RGS5: variants seen among roughly 807,000 people sequenced by gnomAD.
RGS5 encodes regulator of G protein signaling 5, also known as regulator of G-protein signalling 5.
In RGS5, 20 loss-of-function variants were observed where a neutral mutation model predicts 18.9. The ratio of observed to expected loss-of-function variants is 1.06; its 90% CI spans 0.74 to 1.54. The LOEUF is 1.54. Ranked by LOEUF, RGS5 falls within the 40% of genes most tolerant of loss-of-function variation. RGS5 has a pLI of 0.00. For missense variants in RGS5, 201 were observed against 211.8 expected, an observed-to-expected ratio of 0.95 and a Z score of 0.32; for synonymous variants, 57 against 76.2, an observed-to-expected ratio of 0.75 and a Z score of 1.31.
chr1:163,256,788 T>G (rs1164694061), intron 2 of RGS5, among the ~76,000 whole-genome samples: 1 of 151,964 alleles, frequency 6.6e-6, no homozygotes, highest in Non-Finnish European at 1.5e-5. Context: ...GGCAGAAAGG[T>G]AAGTGCAAGA....
intron 2 of RGS5, among the ~76,000 whole-genome samples, chr1:163,167,198 G>A (rs745738869): frequency 6.6e-6 from 1 of 152,144 alleles, no homozygotes; most frequent in Non-Finnish European, 1.5e-5. Context: ...AGGACAGGCT[G>A]GCCAATTTAC....
At chr1:163,154,818 G>C (rs1411385791) in intron 3 of RGS5, among the ~76,000 whole-genome samples, 2 of 149,102 alleles carry the variant, frequency 1.3e-5, no homozygotes, top group African/African-American at 4.9e-5. Context: ...AACCAATTTA[G>C]TTTATAATTT....
intron 2 of RGS5, among the ~76,000 whole-genome samples, chr1:163,236,177 G>T (rs2999962): frequency 0.76 from 116,051 of 151,966 alleles, 45,614 homozygotes; most frequent in African/African-American, 0.94. Flanking sequence ...TGCCTCTTTC[G>T]TCTCATATGT....
chr1:163,243,039 ATT>A (rs1448579376), intron 2 of RGS5, among the ~76,000 whole-genome samples: 3 of 152,164 alleles, frequency 2.0e-5, no homozygotes, highest in Non-Finnish European at 4.4e-5. Flanking sequence ...AGAAGGAGGC[ATT>A]TACTGCCCAT....
chr1:163,318,183 T>A (rs920113356), intron 1 of RGS5, among the ~76,000 whole-genome samples: 11 of 152,124 alleles, frequency 7.2e-5, no homozygotes, highest in African/African-American at 2.7e-4. Flanking sequence ...AGCAGCCTCA[T>A]GAATGCGAAG....
intron 2 of RGS5, among the ~76,000 whole-genome samples, chr1:163,167,933 G>A (rs964982149): frequency 2.0e-5 from 3 of 152,160 alleles, no homozygotes; most frequent in African/African-American, 7.2e-5. Context: ...TAAATGAGCA[G>A]GTATTTTTAC....
At chr1:163,269,318 T>C (rs1648651706) in intron 2 of RGS5, among the ~76,000 whole-genome samples, 1 of 152,140 alleles carries the variant, frequency 6.6e-6, no homozygotes, top group African/African-American at 2.4e-5. Context: ...GTGTAAGGCA[T>C]GGTGCTAAGC....
In RGS5 at chr1:163,194,721, T is replaced by A. The variant is rs762566878; in HGVS notation, c.44+8071A>T. ...CTGAGAGAGATATAAGATTAAGAAA[T>A]CTCAATGTGTGAACATTTTTGGATC... On this transcript the variant is annotated intron_variant, in intron 1 of 4. Coordinates refer to ENST00000313961, the MANE Select transcript of RGS5 (RefSeq NM_003617.4). Among the ~76,000 whole-genome samples, 3 of 152,198 alleles carry A rather than the reference T, an allele frequency of 2.0e-5. No individual in the cohort carries two copies. The East Asian group carries it at 5.8e-4, about 29-fold the overall frequency.
chr1:163,249,880 G>A (rs1439681306), intron 2 of RGS5, among the ~76,000 whole-genome samples: 2 of 152,208 alleles, frequency 1.3e-5, no homozygotes, highest in Non-Finnish European at 2.9e-5. Flanking sequence ...GGTGATAGAT[G>A]AGTTCACATC....
chr1:163,160,426 A>G (rs1158829771), intron 3 of RGS5, among the ~76,000 whole-genome samples: 1 of 152,204 alleles, frequency 6.6e-6, no homozygotes, highest in Admixed American at 6.5e-5. Flanking sequence ...TTCTAGGTCC[A>G]AGAAGCAAAA....
At chr1:163,230,458 A>G (rs1647449793) in intron 2 of RGS5, among the ~76,000 whole-genome samples, 1 of 142,830 alleles carries the variant, frequency 7.0e-6, no homozygotes, top group South Asian at 2.2e-4. Context: ...TGGTTACCTT[A>G]GTTGTAAGAT....
At chr1:163,275,629 T>C (rs1648833941) in intron 2 of RGS5, among the ~76,000 whole-genome samples, 1 of 152,210 alleles carries the variant, frequency 6.6e-6, no homozygotes. Context: ...TATTGGAAAC[T>C]TGGGTTATTT....
At chr1:163,223,348 C>G (rs1453075632) in intron 2 of RGS5, among the ~76,000 whole-genome samples, 1 of 152,162 alleles carries the variant, frequency 6.6e-6, no homozygotes, top group Non-Finnish European at 1.5e-5. Flanking sequence ...GGTGGCATCT[C>G]CTACTGCAAT....
At chr1:163,299,312 A>G (rs1649498083) in intron 2 of RGS5, among the ~76,000 whole-genome samples, 2 of 152,262 alleles carry the variant, frequency 1.3e-5, no homozygotes, top group Admixed American at 6.5e-5. Flanking sequence ...AGGAATGACA[A>G]TCTAAGTGCC....
At chr1:163,294,918 G>A (rs1470051537) in intron 2 of RGS5, among the ~76,000 whole-genome samples, 2 of 152,076 alleles carry the variant, frequency 1.3e-5, no homozygotes, top group Non-Finnish European at 1.5e-5. Context: ...CTAGGGCAGG[G>A]GCAAAACACT....
At chr1:163,287,189 ATTGT>A (rs1649166242) in intron 2 of RGS5, among the ~76,000 whole-genome samples, 1 of 152,192 alleles carries the variant, frequency 6.6e-6, no homozygotes, top group Admixed American at 6.5e-5. Flanking sequence ...CAACTGCAAA[ATTGT>A]TTGTGTTTCC....
chr1:163,295,952 A>G (rs1196016661), intron 2 of RGS5, among the ~76,000 whole-genome samples: 1 of 152,152 alleles, frequency 6.6e-6, no homozygotes, highest in African/African-American at 2.4e-5. Context: ...AGAAATGGGC[A>G]GAGTACAGAC....
intron 1 of RGS5, among the ~76,000 whole-genome samples, chr1:163,307,519 T>C (rs554297929): frequency 6.6e-6 from 1 of 152,142 alleles, no homozygotes; most frequent in East Asian, 1.9e-4. Context: ...TTCCACTGGG[T>C]CCCATGCCGG....
At chr1:163,239,413 G>A (rs1324403839) in intron 2 of RGS5, among the ~76,000 whole-genome samples, 1 of 151,730 alleles carries the variant, frequency 6.6e-6, no homozygotes, top group East Asian at 1.9e-4. Context: ...TAGAACCTGG[G>A]AGGCGGAGGT....
Sources: gnomAD v4.1 joint callset for allele counts (sites outside exome capture counted in the v4.1 genomes callset) on GRCh38, gnomAD v4.1.1 for gene constraint, MANE v1.5 for transcripts, NCBI Gene and HGNC (gene_info 2026-07-23, HGNC 2026-07-21) for gene names.